LRRC4C: variants seen among roughly 807,000 people sequenced by gnomAD.
The protein encoded by LRRC4C is leucine rich repeat containing 4C.
LRRC4C carries 5 observed loss-of-function variants against 33.6 expected under a neutral mutation model. The ratio of observed to expected loss-of-function variants is 0.15; its 90% confidence interval spans 0.08 to 0.31. LRRC4C has a LOEUF of 0.31. LRRC4C is among the 10% of genes least tolerant of loss of function. The probability of loss-of-function intolerance (pLI) is 1.00; values close to 1 mark genes in which losing one functional copy is unlikely to be tolerated. For synonymous variants in LRRC4C, 329 were observed against 302.0 expected (o/e 1.09, Z -0.93); for missense variants, 560 against 796.7 (o/e 0.70, Z 3.58).
intron 2 of LRRC4C, among the ~76,000 whole-genome samples, chr11:40,724,065 A>C (rs2136706498): frequency 6.6e-6 from 1 of 152,342 alleles, no homozygotes; most frequent in African/African-American, 2.4e-5. Flanking sequence ...AAGCTTAATT[A>C]TCCTAAATAT....
intron 1 of LRRC4C, among the ~76,000 whole-genome samples, chr11:41,059,275 AAAC>A (rs139502591): frequency 0.5 from 70,297 of 139,790 alleles, 17,484 homozygotes; most frequent in South Asian, 0.64. Flanking sequence ...GATGACAAAT[AAAC>A]AACAACAACA....
At chr11:40,656,564 G>A (rs773246624) in intron 2 of LRRC4C, among the ~76,000 whole-genome samples, 11 of 150,726 alleles carry the variant, frequency 7.3e-5, no homozygotes, top group Non-Finnish European at 1.5e-4. Flanking sequence ...CTCTCACATT[G>A]GGCTGATTTT....
chr11:40,634,877 A>G (rs1280005150), intron 3 of LRRC4C, among the ~76,000 whole-genome samples: 1 of 152,114 alleles, frequency 6.6e-6, no homozygotes, highest in African/African-American at 2.4e-5. Flanking sequence ...GCAACAGAGC[A>G]AGACACTGTC....
intron 2 of LRRC4C, among the ~76,000 whole-genome samples, chr11:40,900,545 G>T (rs1956156598): frequency 6.6e-6 from 1 of 151,928 alleles, no homozygotes; most frequent in African/African-American, 2.4e-5. Context: ...ATGGTTTCAT[G>T]CTAATTCCAG....
At chr11:41,028,777 T>C (rs1856541994) in intron 1 of LRRC4C, among the ~76,000 whole-genome samples, 1 of 151,738 alleles carries the variant, frequency 6.6e-6, no homozygotes, top group Admixed American at 6.6e-5. Context: ...TTGGAATGTT[T>C]TTTTTTCTTT....
chr11:40,615,688 A>G (rs1389209093), intron 3 of LRRC4C, among the ~76,000 whole-genome samples: 1 of 151,716 alleles, frequency 6.6e-6, no homozygotes, highest in East Asian at 1.9e-4. Context: ...ATTCGCTTTA[A>G]TTGGTGGTTT....
At chr11:40,899,318 A>G (rs942762683) in intron 2 of LRRC4C, among the ~76,000 whole-genome samples, 8 of 152,154 alleles carry the variant, frequency 5.3e-5, no homozygotes, top group African/African-American at 1.9e-4. Context: ...CAGTGGAATA[A>G]GAGTTGGAAG....
intron 2 of LRRC4C, among the ~76,000 whole-genome samples, chr11:40,756,053 G>A (rs963649787): frequency 2.6e-5 from 4 of 151,980 alleles, no homozygotes; most frequent in Non-Finnish European, 5.9e-5. Flanking sequence ...AGGCATGCAA[G>A]TGCCTAAAGG....
intron 2 of LRRC4C, among the ~76,000 whole-genome samples, chr11:40,738,560 T>C (rs1045344493): frequency 6.6e-6 from 1 of 152,108 alleles, no homozygotes; most frequent in African/African-American, 2.4e-5. Context: ...ATGCAAATAA[T>C]ATATACAATT....
chr11:40,625,447 C>T (rs1270507419), intron 3 of LRRC4C, among the ~76,000 whole-genome samples: 1 of 152,092 alleles, frequency 6.6e-6, no homozygotes, highest in Admixed American at 6.5e-5. Context: ...AGGGGAACTG[C>T]TCTTTTAAAA....
At chr11:41,331,746 G>A (rs138704751) in intron 1 of LRRC4C, among the ~76,000 whole-genome samples, 15 of 152,078 alleles carry the variant, frequency 9.9e-5, no homozygotes, top group Admixed American at 2.6e-4. Context: ...GAAGTCAAAC[G>A]CAGGATGAAA....
chr11:40,770,681 AG>A (rs1403431752), intron 2 of LRRC4C, among the ~76,000 whole-genome samples: 1 of 152,208 alleles, frequency 6.6e-6, no homozygotes, highest in Admixed American at 6.5e-5. Flanking sequence ...AGATATAATG[AG>A]GGTATAGGTA....
At chr11:41,030,962 C>T (rs969617170) in intron 1 of LRRC4C, among the ~76,000 whole-genome samples, 5 of 151,804 alleles carry the variant, frequency 3.3e-5, no homozygotes, top group African/African-American at 1.2e-4. Context: ...AAACCCTGTG[C>T]TTCTCTCTTG....
At chr11:40,614,116 T>G (rs1445979197) in intron 3 of LRRC4C, among the ~76,000 whole-genome samples, 2 of 151,866 alleles carry the variant, frequency 1.3e-5, no homozygotes, top group African/African-American at 2.4e-5. Context: ...AGCCTGTCCC[T>G]TGAAGCTTTG....
chr11:40,719,033 A>G (rs1365941904), intron 2 of LRRC4C, among the ~76,000 whole-genome samples: 1 of 152,206 alleles, frequency 6.6e-6, no homozygotes, highest in East Asian at 1.9e-4. Flanking sequence ...TTCTCTTTTG[A>G]CGGCCCTTGC....
At chr11:41,215,690 C>G (rs1349427032) in intron 1 of LRRC4C, among the ~76,000 whole-genome samples, 1 of 152,004 alleles carries the variant, frequency 6.6e-6, no homozygotes, top group East Asian at 1.9e-4. Flanking sequence ...ACATTTGATC[C>G]ATGCTATAGC....
intron 2 of LRRC4C, among the ~76,000 whole-genome samples, chr11:40,886,431 A>ACACACACACG (rs895032985): frequency 1.3e-5 from 2 of 151,642 alleles, no homozygotes; most frequent in East Asian, 1.9e-4. Flanking sequence ...ACACACACAC[A>ACACACACACG]CACACGCACA....
At chr11:40,846,750 G>A (rs969734117) in intron 2 of LRRC4C, among the ~76,000 whole-genome samples, 1 of 152,290 alleles carries the variant, frequency 6.6e-6, no homozygotes, top group South Asian at 2.1e-4. Context: ...ACTTTGGGCA[G>A]TATGGCCATT....
chr11:41,181,661 T>C (rs1389112983), intron 1 of LRRC4C, among the ~76,000 whole-genome samples: 3 of 152,168 alleles, frequency 2.0e-5, no homozygotes, highest in Non-Finnish European at 2.9e-5. Context: ...CAAAAGAGAC[T>C]CAATTCTTAA....
Sources: allele counts gnomAD v4.1 joint callset (sites outside exome capture counted in the v4.1 genomes callset), GRCh38; gene constraint gnomAD v4.1.1; transcripts MANE v1.5; gene names NCBI Gene and HGNC (gene_info 2026-07-23, HGNC 2026-07-21).